The following USP26 variants were observed in gnomAD, a reference collection of about 807,000 sequenced individuals.
USP26 encodes ubiquitin specific peptidase 26, also known as ubiquitin carboxyl-terminal hydrolase 26.
For synonymous variants in USP26, 236 were observed against 240.6 expected, an observed-to-expected ratio of 0.98 and a Z score of 0.18; for missense variants, 649 against 642.3, an observed-to-expected ratio of 1.01 and a Z score of -0.11.
At chrX:133,062,484 G>A (rs1374645036) in intron 5 of USP26, among the ~76,000 whole-genome samples, 2 of 111,828 alleles carry the variant, frequency 1.8e-5, no homozygotes, top group Non-Finnish European at 3.8e-5. Flanking sequence ...CCTAAGAGGG[G>A]TTAACAGACA....
chrX:133,030,694 G>A (rs896063851), intron 5 of USP26, among the ~76,000 whole-genome samples: 3 of 112,239 alleles, frequency 2.7e-5, no homozygotes, highest in African/African-American at 6.5e-5. Flanking sequence ...ATTTCAAGAG[G>A]TAGAAGAACT....
At position 133,043,776 on chromosome X, in the gene USP26, C is replaced by T. The variant is rs1234938505; in HGVS notation, c.-76-15480G>A. Among the ~76,000 whole-genome samples the T allele has an allele frequency of 3.6e-5, 4 of 111,800 alleles. No individual in the cohort carries two copies. In the East Asian group the frequency reaches 1.1e-3, roughly 32 times the overall value. On this transcript the variant is annotated intron_variant, in intron 5 of 5. Transcript: ENST00000511190. ...GAAAAAAAATAGCCAGGTGTGGTGG[C>T]ATGTTCCTGTAGTCCTAGCTACTCA...
intron 5 of USP26, among the ~76,000 whole-genome samples, chrX:133,052,308 C>T (rs1327100068): frequency 1.8e-5 from 2 of 111,864 alleles, no homozygotes; most frequent in Non-Finnish European, 1.9e-5. Flanking sequence ...AGAGTTCAGG[C>T]AGCACCACTT....
chrX:133,094,681 T>C (rs1213146928), intron 1 of USP26, among the ~76,000 whole-genome samples: 1 of 111,979 alleles, frequency 8.9e-6, no homozygotes, highest in African/African-American at 3.2e-5. Flanking sequence ...ACACAATTGT[T>C]TCAGGATATG....
chrX:133,030,003 G>A (rs62601582), intron 5 of USP26, among the ~76,000 whole-genome samples: 1,144 of 111,772 alleles, frequency 0.01, 7 homozygotes, highest in Non-Finnish European at 0.017. Flanking sequence ...TGCTTGCTTT[G>A]AGAGTATTTT....
intron 3 of USP26, among the ~76,000 whole-genome samples, 199 bp downstream of exon 3, chrX:133,090,519 T>C (rs900346128): frequency 1.8e-5 from 2 of 112,601 alleles, no homozygotes; most frequent in Non-Finnish European, 3.8e-5. Context: ...GGTATTCCCA[T>C]GTACTGAAAG....
At chrX:133,029,773 C>A (rs1215441720) in intron 5 of USP26, among the ~76,000 whole-genome samples, 2 of 111,837 alleles carry the variant, frequency 1.8e-5, no homozygotes, top group Admixed American at 1.9e-4. Context: ...CTTGATATTT[C>A]TTCTCTCTGC....
chrX:133,027,297 T>C lies in USP26; in HGVS notation c.924A>G (p.Ala308=). The change falls in exon 6 of 6, where the codon GCA becomes GCG. Residue 308 remains alanine (A), a synonymous_variant. Coordinates refer to ENST00000511190, the MANE Select transcript of USP26 (RefSeq NM_031907.3). ...PNLGNTCYMN[A]VLQSLLSIPS... Reference sequence around the variant, plus strand: ...GGATTGAAAGTAGAGACTGTAACACTGCATTCATATAACAGGTGTTTCCCA... The same window carrying C: ...GGATTGAAAGTAGAGACTGTAACACCGCATTCATATAACAGGTGTTTCCCA... 1.7e-6 allele frequency: 2 copies of C among 1,211,160 alleles called. No individual in the cohort carries two copies. The highest frequency in any genetic ancestry group is 2.2e-6 in the Non-Finnish European group (2 of 894,824).
chrX:133,090,562 T>C (rs1345539848), intron 3 of USP26, among the ~76,000 whole-genome samples, 156 bp downstream of exon 3: 1 of 112,350 alleles, frequency 8.9e-6, no homozygotes, highest in Non-Finnish European at 1.9e-5. Context: ...AATTCTATCA[T>C]TCATCAGAAA....
At chrX:133,079,036 A>C (rs1241359573) in intron 5 of USP26, among the ~76,000 whole-genome samples, 1 of 111,997 alleles carries the variant, frequency 8.9e-6, no homozygotes, top group Non-Finnish European at 1.9e-5. Context: ...TTAAAATCAA[A>C]GCTCTTCCCT....
rs1427554652 is a variant in USP26, at chrX:133,026,073, A to T, written c.2148T>A (p.Pro716=). ...TTTTATCTTCATACAAATCTTTAGT[A>T]GGATTGATAATCCTATCAAAAGCTA... ...KFVAFDRIIN[P]TKDLYEDKNI... Residue 716 remains proline, a synonymous_variant, in exon 6 of 6, where the codon CCT becomes CCA. Transcript: ENST00000511190. 2 of 1,208,433 alleles carry T rather than the reference A, an allele frequency of 1.7e-6. No homozygotes were observed. Among genetic ancestry groups the T allele is most frequent in the African/African-American group, 1.8e-5 (1 of 56,939 alleles).
intron 5 of USP26, among the ~76,000 whole-genome samples, chrX:133,070,468 G>T (rs963935854): frequency 9.0e-6 from 1 of 111,510 alleles, no homozygotes; most frequent in African/African-American, 3.3e-5. Context: ...CTCCAGTCTT[G>T]TATGTCTGCA....
chrX:133,035,858 G>T (rs2067394162), intron 5 of USP26, among the ~76,000 whole-genome samples: 1 of 112,232 alleles, frequency 8.9e-6, no homozygotes, highest in African/African-American at 3.2e-5. Flanking sequence ...AATGATTCCA[G>T]CTTTAAAGTA....
At chrX:133,053,480 G>A (rs1283694206) in intron 5 of USP26, among the ~76,000 whole-genome samples, 1 of 107,321 alleles carries the variant, frequency 9.3e-6, no homozygotes, top group Non-Finnish European at 1.9e-5. Flanking sequence ...AGAAGTTGCA[G>A]TGAGCTGAGA....
At chrX:133,042,716 C>CT (rs767511813) in intron 5 of USP26, among the ~76,000 whole-genome samples, 9 of 112,323 alleles carry the variant, frequency 8.0e-5, no homozygotes, top group Non-Finnish European at 1.5e-4. Context: ...CAAACTGCCA[C>CT]TTTTTTGGCA....
chrX:133,092,197 C>T (rs753257169), intron 1 of USP26, among the ~76,000 whole-genome samples: 8 of 111,657 alleles, frequency 7.2e-5, no homozygotes, highest in Non-Finnish European at 1.5e-4. Context: ...TCAAAATAAA[C>T]TATAGTTCAT....
intron 5 of USP26, among the ~76,000 whole-genome samples, chrX:133,065,330 A>G (rs2067507800): frequency 8.9e-6 from 1 of 112,088 alleles, no homozygotes; most frequent in Non-Finnish European, 1.9e-5. Flanking sequence ...TCCTTCTGAA[A>G]CCATTCCAAA....
intron 5 of USP26, among the ~76,000 whole-genome samples, chrX:133,038,571 A>C (rs1027623227): frequency 3.6e-5 from 4 of 111,680 alleles, no homozygotes; most frequent in Non-Finnish European, 7.5e-5. Flanking sequence ...GTTTGCCAGT[A>C]TTTTGTTGAG....
At chrX:133,040,292 G>A (rs1354320363) in intron 5 of USP26, among the ~76,000 whole-genome samples, 1 of 111,829 alleles carries the variant, frequency 8.9e-6, no homozygotes, top group East Asian at 2.8e-4. Flanking sequence ...AGTATCATTA[G>A]TCTTTATATT....
Sources: gnomAD v4.1 joint callset for allele counts (sites outside exome capture counted in the v4.1 genomes callset) on GRCh38, gnomAD v4.1.1 for gene constraint, MANE v1.5 for transcripts, NCBI Gene and HGNC (gene_info 2026-07-23, HGNC 2026-07-21) for gene names.